Variants in TRAPPC6B observed in about 807,000 individuals in gnomAD.
The protein encoded by TRAPPC6B is trafficking protein particle complex subunit 6B.
In TRAPPC6B, 27 loss-of-function variants were observed where a neutral mutation model predicts 24.7. The ratio of observed to expected loss-of-function variants is 1.09; its 90% CI spans 0.81 to 1.51. The LOEUF (loss-of-function observed/expected upper bound fraction) is 1.51, where lower values mean the gene tolerates loss of function less well. TRAPPC6B is among the 40% of genes most tolerant of loss of function. The pLI is 0.00. For synonymous variants in TRAPPC6B, 80 were observed against 66.6 expected (o/e 1.20, Z -0.98); for missense variants, 212 against 190.8 (o/e 1.11, Z -0.66).
chr14:39,156,400 ATCTAC>A (rs2052979954), intron 3 of TRAPPC6B, among the ~76,000 whole-genome samples: 3 of 152,148 alleles, frequency 2.0e-5, no homozygotes, highest in Non-Finnish European at 2.9e-5. Context: ...AAAATTCCAA[ATCTAC>A]TCTAAGTATT....
Position 39,170,328 on chromosome 14 carries a change from A to G in TRAPPC6B, c.-233T>C. 1 of 532,732 alleles carries G rather than the reference A, an allele frequency of 1.9e-6. No homozygotes were observed. Among genetic ancestry groups the G allele is most frequent in the South Asian group, 2.4e-5 (1 of 40,910 alleles). The allele number at this position is 532,732 out of a possible 1,614,324, so 33.0% of individuals were successfully genotyped here. A position where few individuals can be genotyped will look rare whatever the true frequency, so the allele number is the denominator to read the frequency against. On this transcript the variant is annotated 5_prime_UTR_variant, in exon 1 of 6. Coordinates refer to ENST00000330149, the MANE Select transcript of TRAPPC6B (RefSeq NM_001079537.2). ...GCTACCAAATCCTAGGGCCGAACTA[A>G]AGTCTGACGGGAGCTCTAACCAAAG...
chr14:39,154,195 C>A lies in TRAPPC6B; in HGVS notation c.351+16G>T. 6.4e-7 allele frequency: 1 copy of A among 1,555,514 alleles called. No individual in the cohort carries two copies. Among genetic ancestry groups the A allele is most frequent in the Non-Finnish European group, 8.9e-7 (1 of 1,128,806 alleles). ...CTACTATTAACAAAAACCCCAACTTCTATTCCATTAAATACCTTAGATGCA... is the reference window on the plus strand; with the variant it reads ...CTACTATTAACAAAAACCCCAACTTATATTCCATTAAATACCTTAGATGCA... On this transcript the variant is annotated intron_variant, in intron 4 of 5. Transcript: ENST00000330149.
intron 4 of TRAPPC6B, among the ~76,000 whole-genome samples, chr14:39,152,108 C>T (rs534871807): frequency 2.6e-5 from 4 of 152,244 alleles, no homozygotes; most frequent in African/African-American, 9.6e-5. Context: ...AAAAACAAGC[C>T]AGAAACTGAT....
chr14:39,156,697 T>TA (rs1309728615), intron 3 of TRAPPC6B: 1 of 152,198 alleles, frequency 6.6e-6, no homozygotes, highest in Non-Finnish European at 1.5e-5. Context: ...CTCTATAAAT[T>TA]AGACTTTAGA....
chr14:39,154,409 C>A, intron 3 of TRAPPC6B, 115 bp from the exon 4 acceptor site: 2 of 674,866 alleles, frequency 3.0e-6, no homozygotes, highest in Non-Finnish European at 4.9e-6. Flanking sequence ...GTCTCCTTCC[C>A]ATTGGCCAAG....
rs986450182 is a variant in TRAPPC6B at position 39,148,890 on chromosome 14, T to C, written c.*1460A>G. 2 of 396,330 alleles carry C rather than the reference T, an allele frequency of 5.0e-6. No homozygotes were observed. The highest frequency in any genetic ancestry group is 4.1e-5 in the African/African-American group (2 of 48,578). The allele number at this position is 396,330 out of a possible 1,614,324, so 24.6% of individuals were successfully genotyped here. A position where few individuals can be genotyped will look rare whatever the true frequency, so the allele number is the denominator to read the frequency against. On this transcript the variant is annotated 3_prime_UTR_variant, in exon 6 of 6. Transcript: ENST00000330149. Reference sequence around the variant, plus strand: ...TACTATACACCTAAGCTATGGCCTATTGCTCCTAGGCTACAAACCTGTACA... The same window carrying C: ...TACTATACACCTAAGCTATGGCCTACTGCTCCTAGGCTACAAACCTGTACA...
At chr14:39,151,667 C>G (rs907660539) in intron 5 of TRAPPC6B, 79 bp downstream of exon 5, 67 of 1,030,010 alleles carry the variant, frequency 6.5e-5, no homozygotes, top group Admixed American at 1.8e-4. Flanking sequence ...TTTAAATTTC[C>G]TCTCAGTTAA....
rs2052893770 is a variant in TRAPPC6B, at chr14:39,149,887, A to C, written c.*463T>G. On this transcript the variant is annotated 3_prime_UTR_variant, in exon 6 of 6. Coordinates refer to ENST00000330149, the MANE Select transcript of TRAPPC6B (RefSeq NM_001079537.2). ...TATATGAAATCCTTATACAGGTGTA[A>C]ACATTCTTAATAAATTATAAGCAAT... The C allele has an allele frequency of 6.5e-6, 1 of 153,246 alleles. No individual in the cohort carries two copies. Among genetic ancestry groups the C allele is most frequent in the Admixed American group, 6.5e-5 (1 of 15,278 alleles). The allele number at this position is 153,246 out of a possible 1,614,324, so 9.5% of individuals were successfully genotyped here.
At chr14:39,157,341 G>A in intron 3 of TRAPPC6B, 1 of 344,140 alleles carries the variant, frequency 2.9e-6, no homozygotes. Flanking sequence ...TAGCTACTTA[G>A]CTGCTTAAGC....
intron 4 of TRAPPC6B, 60 bp downstream of exon 4, chr14:39,154,151 T>G: frequency 2.9e-6 from 3 of 1,037,174 alleles, no homozygotes; most frequent in Non-Finnish European, 4.5e-6. Context: ...TGATTAGCAC[T>G]GTACTTTTCC....
At position 39,154,298 on chromosome 14, in the gene TRAPPC6B, T is replaced by C. The variant is rs760644667; in HGVS notation, c.268-4A>G. 3.6e-5 allele frequency: 57 copies of C among 1,601,912 alleles called. No homozygotes were observed. The highest frequency in any genetic ancestry group is 4.8e-5 in the Non-Finnish European group (56 of 1,171,904). On this transcript the variant is annotated splice_polypyrimidine_tract_variant and splice_region_variant and intron_variant, in intron 3 of 5. Transcript: ENST00000330149. ...TGTCCTGAAGTACATAGATGCCCTG[T>C]TCCAAAAATAGAAAAAAAATCCAAA...
intron 1 of TRAPPC6B, among the ~76,000 whole-genome samples, chr14:39,166,490 T>C (rs1566551826): frequency 6.6e-6 from 1 of 152,206 alleles, no homozygotes; most frequent in Non-Finnish European, 1.5e-5. Flanking sequence ...TGGTCATTTC[T>C]GGATGCAGCC....
In TRAPPC6B at chr14:39,159,530, A is replaced by T. The variant is rs770968104; in HGVS notation, c.102T>A (p.Thr34=). The T allele has an allele frequency of 1.2e-6, 2 of 1,604,794 alleles. No individual in the cohort carries two copies. Among genetic ancestry groups the T allele is most frequent in the Non-Finnish European group, 1.7e-6 (2 of 1,175,126 alleles). ...QGEVENGRCI[T]KLENMGFRVG... is the part of the protein sequence containing the mutation. ...CTCGAAACCCCATGTTTTCCAGCTT[A>T]GTAATACATCGTCCGTTTTCCTATT... The change falls in exon 2 of 6, where the codon ACT becomes ACA. Residue 34 remains threonine, a synonymous_variant. Transcript: ENST00000330149.
At position 39,163,434 on chromosome 14, in the gene TRAPPC6B, A is replaced by G. The variant is rs1166720749; in HGVS notation, c.82-3884T>C. On this transcript the variant is annotated intron_variant, in intron 1 of 5. Coordinates refer to ENST00000330149, the MANE Select transcript of TRAPPC6B (RefSeq NM_001079537.2). ...TCACATGGGAACTTGCAAATTCTCT[A>G]GTCCCACTCCCAATTTACTTAATCA... Among the ~76,000 whole-genome samples, 3 of 150,370 alleles carry G rather than the reference A, an allele frequency of 2.0e-5. No individual in the cohort carries two copies. The South Asian group carries it at 6.2e-4, about 31-fold the overall frequency.
chr14:39,167,164 A>C (rs1031948473), intron 1 of TRAPPC6B, among the ~76,000 whole-genome samples: 2 of 152,228 alleles, frequency 1.3e-5, no homozygotes, highest in Non-Finnish European at 2.9e-5. Flanking sequence ...CAAATTTTTA[A>C]GAAAAATTCA....
At chr14:39,156,043 T>C (rs1214508554) in intron 3 of TRAPPC6B, among the ~76,000 whole-genome samples, 1 of 152,146 alleles carries the variant, frequency 6.6e-6, no homozygotes, top group Non-Finnish European at 1.5e-5. Context: ...TCCTTCTGCC[T>C]CAGCCTCCCA....
intron 1 of TRAPPC6B, among the ~76,000 whole-genome samples, chr14:39,169,411 G>A (rs189006788): frequency 6.6e-6 from 1 of 152,148 alleles, no homozygotes; most frequent in East Asian, 1.9e-4. Context: ...CAAGGATGGG[G>A]CCATTGTTTC....
intron 1 of TRAPPC6B, among the ~76,000 whole-genome samples, chr14:39,168,605 C>T (rs891423159): frequency 6.6e-6 from 1 of 152,156 alleles, no homozygotes; most frequent in Non-Finnish European, 1.5e-5. Context: ...TATCTTACCT[C>T]CTTATTTTTT....
At chr14:39,166,977 T>C (rs1164651186) in intron 1 of TRAPPC6B, among the ~76,000 whole-genome samples, 1 of 152,186 alleles carries the variant, frequency 6.6e-6, no homozygotes, top group African/African-American at 2.4e-5. Flanking sequence ...AAACTCCTTA[T>C]TGCAATTCTC....
Sources: gnomAD v4.1 joint callset for allele counts (sites outside exome capture counted in the v4.1 genomes callset) on GRCh38, gnomAD v4.1.1 for gene constraint, MANE v1.5 for transcripts, NCBI Gene and HGNC (gene_info 2026-07-23, HGNC 2026-07-21) for gene names.